The following KDM5C variants were observed in gnomAD, a reference collection of about 807,000 sequenced individuals.
KDM5C encodes lysine demethylase 5C.
A neutral mutation model predicts 110.6 loss-of-function variants in KDM5C; 16 were observed. The ratio of observed to expected loss-of-function variants is 0.14; its 90% confidence interval spans 0.10 to 0.22. The LOEUF (loss-of-function observed/expected upper bound fraction) is 0.22, where lower values mean the gene tolerates loss of function less well. Ranked by LOEUF, KDM5C falls within the 10% of genes least tolerant of loss-of-function variation. The pLI, the probability that KDM5C is intolerant of heterozygous loss-of-function variation, is 1.00. For missense variants in KDM5C, 681 were observed against 1,300.9 expected (o/e 0.52, Z 7.33); for synonymous variants, 511 against 520.4 (o/e 0.98, Z 0.24).
At position 53,201,604 on chromosome X, in the gene KDM5C, C is replaced by T. The variant is rs186066060; in HGVS notation, c.2007G>A (p.Glu669=). The T allele has an allele frequency of 7.4e-6, 9 of 1,210,671 alleles. No homozygotes were observed. The East Asian group carries it at 2.4e-4, about 32-fold the overall frequency. The change falls in exon 14 of 26, where the codon GAG becomes GAA. Residue 669 remains glutamate, a synonymous_variant. Transcript: ENST00000375401. ...GCTCTTCTTGCACCATGATGAACATCTCCTTATGCACAGCTGCCGCCAGGT... is the reference window on the plus strand; with the variant it reads ...GCTCTTCTTGCACCATGATGAACATTTCCTTATGCACAGCTGCCGCCAGGT... The part of the protein sequence containing the change: ...DLNLAAAVHK[E]MFIMVQEERR...
At position 53,197,767 on chromosome X, in the gene KDM5C, T is replaced by A; in HGVS notation, c.2622+4A>T. On this transcript the variant is annotated splice_donor_region_variant and intron_variant, in intron 18 of 25. Coordinates refer to ENST00000375401, the MANE Select transcript of KDM5C (RefSeq NM_004187.5). ...TCCCTCATCAGCACTCCAAGCGTCCTCACCTTGACATCCCCAATCTGGTGC... is the reference window on the plus strand; with the variant it reads ...TCCCTCATCAGCACTCCAAGCGTCCACACCTTGACATCCCCAATCTGGTGC... The A allele has an allele frequency of 8.4e-7, 1 of 1,196,086 alleles. No homozygotes were observed. The highest frequency in any genetic ancestry group is 1.7e-5 in the African/African-American group (1 of 57,494).
At position 53,196,966 on chromosome X, in the gene KDM5C, G is replaced by A. The variant is rs782490310; in HGVS notation, c.2701C>T (p.Leu901=). The change falls in exon 19 of 26, where the codon CTG becomes TTG. Residue 901 remains leucine (L), a synonymous_variant. Coordinates refer to ENST00000375401, the MANE Select transcript of KDM5C (RefSeq NM_004187.5). Reference sequence around the variant, plus strand: ...CGCCCCCTCTCCAACAGGGACTGCAGTAGCCCTGGACTGGAGGGCAGTGAG... The same window carrying A: ...CGCCCCCTCTCCAACAGGGACTGCAATAGCCCTGGACTGGAGGGCAGTGAG... ...LASLPSSPGL[L]QSLLERGRQL... is the part of the protein sequence containing the mutation. 2 of 1,195,217 alleles carry A rather than the reference G, an allele frequency of 1.7e-6. No individual in the cohort carries two copies. The highest frequency in any genetic ancestry group is 2.3e-6 in the Non-Finnish European group (2 of 887,014).
Position 53,224,749 on chromosome X carries a change from G to A in KDM5C, c.141C>T (p.Arg47=). The change falls in exon 1 of 26, where the codon CGC becomes CGT. Residue 47 remains arginine (R), a synonymous_variant. Coordinates refer to ENST00000375401, the MANE Select transcript of KDM5C (RefSeq NM_004187.5). ...CGGCCCCGGGGCTTACCGCGGGTGG[G>A]CGGATCTTGCAAATGCCCGATTTCT... The part of the protein sequence containing the change: ...IAEKSGICKI[R]PPADWQPPFA... 1 of 1,211,870 alleles carries A rather than the reference G, an allele frequency of 8.3e-7. No homozygotes were observed. The highest frequency in any genetic ancestry group is 1.1e-6 in the Non-Finnish European group (1 of 895,415).
At chrX:53,188,689 T>G (rs146576959), downstream of KDM5C, among the ~76,000 whole-genome samples, 15 of 111,531 alleles carry the variant, frequency 1.3e-4, no homozygotes, top group East Asian at 3.1e-3. Flanking sequence ...CTGACTTACT[T>G]CTAACGAATA....
chrX:53,202,199 GT>G lies in KDM5C; in HGVS notation c.1747-227del. On this transcript the variant is annotated intron_variant, in intron 12 of 25. Coordinates refer to ENST00000375401, the MANE Select transcript of KDM5C (RefSeq NM_004187.5). ...AGATTTGAGATTAAAAAATATATCT[GT>G]CAAAATATTCCAACTTCCTTAGTAA... 1.0e-5 allele frequency: 4 copies of G among 384,510 alleles called. No homozygotes were observed. The East Asian group carries it at 1.8e-4, about 18-fold the overall frequency. The allele number at this position is 384,510 out of a possible 1,213,427, so 31.7% of individuals were successfully genotyped here.
At chrX:53,218,547 G>A (rs2073811375) in intron 2 of KDM5C, 149 bp from the exon 3 acceptor site, 3 of 649,800 alleles carry the variant, frequency 4.6e-6, no homozygotes, top group East Asian at 3.5e-5. Flanking sequence ...CAGACTCTAG[G>A]CAGTGCTTAG....
At chrX:53,208,062 G>C (rs1442246598) in intron 12 of KDM5C, among the ~76,000 whole-genome samples, 2 of 45,168 alleles carry the variant, frequency 4.4e-5, no homozygotes, top group African/African-American at 9.7e-5. Flanking sequence ...GGGAAGGTGG[G>C]GTGATGGGGG....
chrX:53,186,485 C>T (rs1556828200), downstream of KDM5C, among the ~76,000 whole-genome samples: 1 of 111,858 alleles, frequency 8.9e-6, no homozygotes, highest in African/African-American at 3.3e-5. Flanking sequence ...AGTAGCACTC[C>T]ACCACCGAAT....
At chrX:53,205,041 T>TA (rs1224770195) in intron 12 of KDM5C, among the ~76,000 whole-genome samples, 1 of 112,169 alleles carries the variant, frequency 8.9e-6, no homozygotes, top group Non-Finnish European at 1.9e-5. Flanking sequence ...TTTTTCACGT[T>TA]AAAAAATCCC....
In KDM5C at chrX:53,194,620, G is replaced by C. The variant is rs1934681564; in HGVS notation, c.3557C>G (p.Ser1186Cys). ...ASSSTASSTT[S>C]ICVCGQVLAG... ...CAGCACCTGCCCACACACACAGATA[G>C]AGGTTGTAGAGGAGGCCGTGCTCGA... The change falls in exon 23 of 26, where the codon TCT becomes TGT. Residue 1186 changes from serine to cysteine, a missense_variant. By Grantham distance (112) the Ser-to-Cys change is moderately radical. Transcript: ENST00000375401. 8.3e-7 allele frequency: 1 copy of C among 1,210,553 alleles called. No individual in the cohort carries two copies. The highest frequency in any genetic ancestry group is 1.7e-5 in the African/African-American group (1 of 57,319).
downstream of KDM5C, chrX:53,191,766 G>C (rs1934435216): frequency 5.7e-6 from 1 of 174,318 alleles, no homozygotes; most frequent in African/African-American, 2.9e-5. Context: ...CTACACTTTA[G>C]AAACCCCCCA....
chrX:53,217,116 C>CT (rs1569279244), intron 5 of KDM5C, 27 bp downstream of exon 5: 2 of 1,197,217 alleles, frequency 1.7e-6, no homozygotes, highest in Non-Finnish European at 1.1e-6. Context: ...CCTCAAAGCT[C>CT]TAAGTTCGAA....
Position 53,196,944 on chromosome X carries a change from C to A in KDM5C, c.2723G>T (p.Gly908Val). Residue 908 changes from glycine (G) to valine (V), a missense_variant, in exon 19 of 26, where the codon GGG becomes GTG. Physicochemically the swap from Gly to Val is moderately radical, Grantham distance 109 (BLOSUM62 -3). Transcript: ENST00000375401. ...AGGCACCTCCACCCCCAGCTGCCGC[C>A]CCCTCTCCAACAGGGACTGCAGTAG... ...PGLLQSLLER[G>V]RQLGVEVPEA... 8.3e-7 allele frequency: 1 copy of A among 1,198,186 alleles called. No individual in the cohort carries two copies. Among genetic ancestry groups the A allele is most frequent in the Non-Finnish European group, 1.1e-6 (1 of 888,320 alleles).
At chrX:53,201,441 A>T in intron 14 of KDM5C, 109 bp downstream of exon 14, 1 of 732,855 alleles carries the variant, frequency 1.4e-6, no homozygotes, top group Non-Finnish European at 2.2e-6. Flanking sequence ...AGATGCATCT[A>T]GTTCTTTTCA....
Position 53,210,468 on chromosome X carries a change from C to T in KDM5C, c.1692G>A (p.Leu564=). The part of the protein sequence containing the change: ...PELFDSQPDL[L]HQLVTLMNPN... ...GATTCATGAGGGTGACAAGTTGGTGCAGGAGGTCAGGCTGGCTATCAAATA... is the reference window on the plus strand; with the variant it reads ...GATTCATGAGGGTGACAAGTTGGTGTAGGAGGTCAGGCTGGCTATCAAATA... Residue 564 remains leucine, a synonymous_variant, in exon 12 of 26, where the codon CTG becomes CTA. Coordinates refer to ENST00000375401, the MANE Select transcript of KDM5C (RefSeq NM_004187.5). 1 of 1,212,058 alleles carries T rather than the reference C, an allele frequency of 8.3e-7. No homozygotes were observed. Among genetic ancestry groups the T allele is most frequent in the Non-Finnish European group, 1.1e-6 (1 of 895,568 alleles).
At chrX:53,188,679 C>T (rs1254837659), downstream of KDM5C, among the ~76,000 whole-genome samples, 6 of 111,564 alleles carry the variant, frequency 5.4e-5, no homozygotes, top group African/African-American at 2.0e-4. Context: ...CCGGCAGTAA[C>T]TGACTTACTT....
chrX:53,206,866 A>T (rs1556845642), intron 12 of KDM5C, among the ~76,000 whole-genome samples: 1 of 19,619 alleles, frequency 5.1e-5, no homozygotes, highest in African/African-American at 9.2e-5. Context: ...TCCTTCTCAA[A>T]AAAAAAAAAA....
At chrX:53,209,083 C>G (rs1281253401) in intron 12 of KDM5C, among the ~76,000 whole-genome samples, 7 of 110,918 alleles carry the variant, frequency 6.3e-5, no homozygotes, top group Admixed American at 9.6e-5. Context: ...TCCCAAAGTG[C>G]TGGGATTACA....
chrX:53,184,900 C>A (rs950226791), intron 25 of KDM5C, among the ~76,000 whole-genome samples: 1 of 111,801 alleles, frequency 8.9e-6, no homozygotes, highest in Non-Finnish European at 1.9e-5. Context: ...AAAAATTGTT[C>A]TATTGATTGA....
Sources: gnomAD v4.1 joint callset for allele counts (sites outside exome capture counted in the v4.1 genomes callset) on GRCh38, gnomAD v4.1.1 for gene constraint, MANE v1.5 for transcripts, NCBI Gene and HGNC (gene_info 2026-07-23, HGNC 2026-07-21) for gene names.